PCM1: variants seen among roughly 807,000 people sequenced by gnomAD.
PCM1 encodes pericentriolar material 1 protein.
PCM1 carries 157 observed loss-of-function variants against 241.9 expected under a neutral mutation model. That is an observed-to-expected ratio of 0.65 (90% CI 0.57 to 0.74). The LOEUF is 0.74. PCM1 is among the 30% of genes least tolerant of loss of function. PCM1 has a pLI of 0.00. For synonymous variants in PCM1, 1,085 were observed against 784.9 expected, an observed-to-expected ratio of 1.38 and a Z score of -6.39; for missense variants, 3,478 against 2,360.1, an observed-to-expected ratio of 1.47 and a Z score of -9.81.
intron 26 of PCM1, among the ~76,000 whole-genome samples, chr8:17,987,550 T>TTGATTTCATTTAC (rs2083024806): frequency 6.6e-6 from 1 of 151,910 alleles, no homozygotes; most frequent in Non-Finnish European, 1.5e-5. Context: ...TTAAAGATGC[T>TTGATTTCATTTAC]GTACTACTTG....
chr8:17,973,782 A>C (rs991644075), intron 23 of PCM1, among the ~76,000 whole-genome samples: 4 of 152,118 alleles, frequency 2.6e-5, no homozygotes, highest in Admixed American at 6.6e-5. Context: ...GGAAAGTTTG[A>C]AATGCATTGC....
At chr8:17,980,371 C>G in intron 23 of PCM1, 1 of 383,968 alleles carries the variant, frequency 2.6e-6, no homozygotes, top group Non-Finnish European at 4.6e-6. Context: ...AGATGAGTAT[C>G]AAAGAACAGT....
chr8:17,980,673 T>G lies in PCM1; in HGVS notation c.4026T>G (p.Val1342=). Residue 1342 remains valine, a synonymous_variant, in exon 24 of 39, where the codon GTT becomes GTG. Transcript: ENST00000325083. ...NRHSAQTEEP[V]QAKVFSRKNH... ...ATTCAGCCCAGACTGAAGAGCCTGT[T>G]CAAGCAAAAGTATTCAGCAGAAAGA... 1 of 1,613,520 alleles carries G rather than the reference T, an allele frequency of 6.2e-7. No homozygotes were observed. Among genetic ancestry groups the G allele is most frequent in the Middle Eastern group, 1.7e-4 (1 of 6,060 alleles).
At chr8:17,997,611 A>G (rs564909559) in intron 29 of PCM1, among the ~76,000 whole-genome samples, 3 of 152,088 alleles carry the variant, frequency 2.0e-5, no homozygotes, top group East Asian at 1.9e-4. Context: ...AGCTTGATCA[A>G]TTCTATTGAG....
intron 2 of PCM1, among the ~76,000 whole-genome samples, chr8:17,929,309 G>C (rs439374): frequency 9.8e-4 from 149 of 152,076 alleles, no homozygotes; most frequent in Non-Finnish European, 1.7e-3. Context: ...CCTTATTAGT[G>C]TATTAGCGTG....
rs769633435 is a variant in PCM1 at position 18,014,844 on chromosome 8, T to G, written c.5841+4T>G. On this transcript the variant is annotated splice_donor_region_variant and intron_variant, in intron 36 of 38. Coordinates refer to ENST00000325083, the MANE Select transcript of PCM1 (RefSeq NM_006197.4). ...TCCAGTGTTAGTGAATGACTATGTATGTATCATTTACATTTCCAAATATTT... is the reference window on the plus strand; with the variant it reads ...TCCAGTGTTAGTGAATGACTATGTAGGTATCATTTACATTTCCAAATATTT... The G allele has an allele frequency of 1.8e-5, 29 of 1,578,012 alleles. No individual in the cohort carries two copies. The highest frequency in any genetic ancestry group is 2.3e-5 in the Non-Finnish European group (27 of 1,164,940).
chr8:17,986,857 G>A (rs2082779053), intron 26 of PCM1, among the ~76,000 whole-genome samples: 1 of 151,762 alleles, frequency 6.6e-6, no homozygotes, highest in South Asian at 2.1e-4. Context: ...TAGTTGATTA[G>A]CAAATATCAG....
At chr8:17,963,890 T>G (rs1380372396) in intron 17 of PCM1, among the ~76,000 whole-genome samples, 1 of 152,218 alleles carries the variant, frequency 6.6e-6, no homozygotes, top group African/African-American at 2.4e-5. Flanking sequence ...TCTGGAGTTT[T>G]GCACCAAGCC....
Position 17,985,946 on chromosome 8 carries a change from T to C in PCM1, c.4282-13T>C. ...ATGTTTTATATAAATGATGATCTTA[T>C]TTTCTTATTTAGGACATAGTATCCA... On this transcript the variant is annotated splice_polypyrimidine_tract_variant and intron_variant, in intron 25 of 38. Transcript: ENST00000325083. 5.4e-6 allele frequency: 8 copies of C among 1,472,548 alleles called. No individual in the cohort carries two copies. The highest frequency in any genetic ancestry group is 4.6e-6 in the Non-Finnish European group (5 of 1,081,804). The allele number at this position is 1,472,548 out of a possible 1,614,324, so 91.2% of individuals were successfully genotyped here.
chr8:17,925,235 C>T (rs982572051), intron 2 of PCM1: 3 of 152,126 alleles, frequency 2.0e-5, no homozygotes, highest in African/African-American at 4.8e-5. Flanking sequence ...ATTTTTTGTA[C>T]TTCGATCTCC....
chr8:17,961,827 T>C (rs2072340360), intron 15 of PCM1, among the ~76,000 whole-genome samples: 1 of 152,244 alleles, frequency 6.6e-6, no homozygotes, highest in African/African-American at 2.4e-5. Flanking sequence ...CTGTTGTTTC[T>C]GAGGGCTTGT....
intron 38 of PCM1, 36 bp downstream of exon 38, chr8:18,025,694 A>G (rs1184617643): frequency 3.3e-6 from 4 of 1,204,472 alleles, no homozygotes; most frequent in Non-Finnish European, 4.7e-6. Context: ...CCATATTGAA[A>G]AATCATTGAA....
Position 17,966,391 on chromosome 8 carries a change from G to A in PCM1, c.3139G>A (p.Ala1047Thr), listed in dbSNP as rs766408229. The A allele has an allele frequency of 1.9e-6, 3 of 1,613,364 alleles. No homozygotes were observed. The highest frequency in any genetic ancestry group is 2.5e-6 in the Non-Finnish European group (3 of 1,179,504). The change falls in exon 20 of 39, where the codon GCA becomes ACA. Residue 1047 changes from alanine to threonine, a missense_variant. Transcript: ENST00000325083. ...TTACAGTGTTATGCCCAGCAATGTT[G>A]CATCTCCTCAAGTACACTTCATAAT... ...GPYSVMPSNV[A>T]SPQVHFIMHQ...
At chr8:18,006,775 A>G (rs1406956569) in intron 30 of PCM1, among the ~76,000 whole-genome samples, 1 of 152,210 alleles carries the variant, frequency 6.6e-6, no homozygotes, top group African/African-American at 2.4e-5. Context: ...GCCAGAGACC[A>G]GCTGGTTGTA....
intron 36 of PCM1, 131 bp from the exon 37 acceptor site, chr8:18,025,230 A>G: frequency 5.4e-6 from 3 of 559,986 alleles, no homozygotes; most frequent in Non-Finnish European, 9.4e-6. Flanking sequence ...ATATTTCTAA[A>G]TTATTCATAG....
Position 18,016,965 on chromosome 8 carries a change from A to C in PCM1, c.5841+2125A>C, listed in dbSNP as rs111264730. Among the ~76,000 whole-genome samples the C allele has an allele frequency of 3.0e-3, 453 of 152,356 alleles. 3 individuals are homozygous for C. Among genetic ancestry groups the C allele is most frequent in the African/African-American group, 0.011 (444 of 41,578 alleles). On this transcript the variant is annotated intron_variant, in intron 36 of 38. Coordinates refer to ENST00000325083, the MANE Select transcript of PCM1 (RefSeq NM_006197.4). ...AAGGAAAATCCAAAACAGTTTGCTGAGGAATGTAGATTTAGAATGACCCTG... is the reference window on the plus strand; with the variant it reads ...AAGGAAAATCCAAAACAGTTTGCTGCGGAATGTAGATTTAGAATGACCCTG...
Position 17,985,533 on chromosome 8 carries a change from C to A in PCM1, c.4195C>A (p.Arg1399Ser), listed in dbSNP as rs967829705. The A allele has an allele frequency of 1.9e-6, 3 of 1,590,770 alleles. No individual in the cohort carries two copies. The highest frequency in any genetic ancestry group is 2.6e-6 in the Non-Finnish European group (3 of 1,165,992). Residue 1399 changes from arginine (R) to serine (S), a missense_variant, in exon 25 of 39, where the codon CGT becomes AGT. Physicochemically the swap from Arg to Ser is moderately radical, Grantham distance 110 (BLOSUM62 -1). Transcript: ENST00000325083. ...VATLISQNES[R>S]PHFLIELFHE... is the part of the protein sequence containing the mutation. The stretch of plus-strand genomic sequence containing the variant: ...TACATTAATTTCTCAAAATGAATCT[C>A]GTCCACATTTTCTTATTGAACTCTT...
chr8:17,946,963 A>G (rs892377527), intron 6 of PCM1, among the ~76,000 whole-genome samples: 9 of 151,340 alleles, frequency 5.9e-5, no homozygotes, highest in Middle Eastern at 3.4e-3. Context: ...GCCATTGATT[A>G]TGTAGCTTTT....
chr8:17,963,719 C>T (rs117010155), intron 17 of PCM1, among the ~76,000 whole-genome samples: 2,571 of 152,144 alleles, frequency 0.017, 40 homozygotes, highest in South Asian at 0.043. Flanking sequence ...TTTAGGATTT[C>T]AGTTTAAAAT....
Sources: gnomAD v4.1 joint callset for allele counts (sites outside exome capture counted in the v4.1 genomes callset) on GRCh38, gnomAD v4.1.1 for gene constraint, MANE v1.5 for transcripts, NCBI Gene and HGNC (gene_info 2026-07-23, HGNC 2026-07-21) for gene names.